SYT9: variants seen among roughly 807,000 people sequenced by gnomAD.
SYT9 encodes the protein synaptotagmin-9.
In SYT9, 22 loss-of-function variants were observed where a neutral mutation model predicts 48.4. That is an observed-to-expected ratio of 0.45 (90% CI 0.32 to 0.65). The LOEUF (loss-of-function observed/expected upper bound fraction) is 0.65, where lower values mean the gene tolerates loss of function less well. Ranked by LOEUF, SYT9 falls within the 30% of genes least tolerant of loss-of-function variation. The probability of loss-of-function intolerance (pLI) is 0.03; values close to 1 mark genes in which losing one functional copy is unlikely to be tolerated. For synonymous variants in SYT9, 265 were observed against 245.0 expected, an observed-to-expected ratio of 1.08 and a Z score of -0.76; for missense variants, 577 against 622.0, an observed-to-expected ratio of 0.93 and a Z score of 0.77.
intron 3 of SYT9, among the ~76,000 whole-genome samples, chr11:7,409,040 T>A (rs1847080788): frequency 1.3e-5 from 2 of 152,198 alleles, no homozygotes; most frequent in Non-Finnish European, 2.9e-5. Flanking sequence ...TGTGGGTTTG[T>A]CATAGATGAC....
At chr11:7,365,266 G>A (rs1490246071) in intron 3 of SYT9, among the ~76,000 whole-genome samples, 1 of 152,034 alleles carries the variant, frequency 6.6e-6, no homozygotes. Context: ...GAAAATAAAT[G>A]CTTCAGTCTA....
At chr11:7,371,481 A>G (rs1201152646) in intron 3 of SYT9, among the ~76,000 whole-genome samples, 2 of 148,432 alleles carry the variant, frequency 1.3e-5, no homozygotes, top group East Asian at 3.9e-4. Flanking sequence ...TTATTTCTTA[A>G]ATCTCTTATA....
chr11:7,358,438 CTGAT>C (rs1480934916), intron 3 of SYT9, among the ~76,000 whole-genome samples: 1 of 152,034 alleles, frequency 6.6e-6, no homozygotes, highest in Non-Finnish European at 1.5e-5. Flanking sequence ...AATCTTCCAG[CTGAT>C]TATTATTTTT....
At chr11:7,388,603 A>T (rs990974062) in intron 3 of SYT9, among the ~76,000 whole-genome samples, 2 of 152,160 alleles carry the variant, frequency 1.3e-5, no homozygotes, top group Admixed American at 1.3e-4. Flanking sequence ...GGGCTATTTT[A>T]TGCATTTAAA....
chr11:7,366,344 AT>A (rs1351117601), intron 3 of SYT9, among the ~76,000 whole-genome samples: 2 of 152,080 alleles, frequency 1.3e-5, no homozygotes, highest in African/African-American at 2.4e-5. Flanking sequence ...GTACTTGAGG[AT>A]TTTTTTCAAT....
At chr11:7,320,273 C>A (rs1396643666) in intron 3 of SYT9, among the ~76,000 whole-genome samples, 1 of 152,110 alleles carries the variant, frequency 6.6e-6, no homozygotes, top group African/African-American at 2.4e-5. Context: ...TGATCATATA[C>A]ACTGGTTTAC....
intron 2 of SYT9, among the ~76,000 whole-genome samples, chr11:7,311,635 GAAGGGTGGGAAC>G (rs1849135388): frequency 6.6e-6 from 1 of 152,210 alleles, no homozygotes; most frequent in East Asian, 1.9e-4. Context: ...ACAGTACCCA[GAAGGGTGGGAAC>G]TGATGCAGGA....
At chr11:7,293,772 C>T (rs1848735879) in intron 1 of SYT9, among the ~76,000 whole-genome samples, 1 of 152,130 alleles carries the variant, frequency 6.6e-6, no homozygotes, top group Non-Finnish European at 1.5e-5. Context: ...CAAGCTGTTT[C>T]CCAGGGACAC....
chr11:7,313,071 A>G (rs1343952952), intron 2 of SYT9, among the ~76,000 whole-genome samples: 1 of 152,204 alleles, frequency 6.6e-6, no homozygotes, highest in East Asian at 1.9e-4. Context: ...GTTTGTACAA[A>G]TCTTTACATT....
At chr11:7,372,731 G>T (rs1416953868) in intron 3 of SYT9, among the ~76,000 whole-genome samples, 2 of 151,940 alleles carry the variant, frequency 1.3e-5, no homozygotes, top group Admixed American at 6.6e-5. Context: ...TCTTCACTTG[G>T]TTATATTGGA....
chr11:7,365,445 G>A (rs879826760), intron 3 of SYT9, among the ~76,000 whole-genome samples: 6 of 152,040 alleles, frequency 3.9e-5, no homozygotes, highest in Non-Finnish European at 8.8e-5. Flanking sequence ...TTCTGATATC[G>A]TGTGCATTTT....
intron 1 of SYT9, among the ~76,000 whole-genome samples, chr11:7,289,734 A>G (rs764794428): frequency 2.6e-5 from 4 of 152,178 alleles, no homozygotes; most frequent in Non-Finnish European, 4.4e-5. Context: ...AATCTTAAGT[A>G]TTATTTTTCT....
At position 7,418,088 on chromosome 11, in the gene SYT9, G is replaced by A. The variant is rs1847285322; in HGVS notation, c.1297G>A (p.Asp433Asn). 6.2e-7 allele frequency: 1 copy of A among 1,613,920 alleles called. No homozygotes were observed. Residue 433 changes from aspartate (D) to asparagine (N), a missense_variant, in exon 5 of 7, where the codon GAC (aspartate) becomes AAC (asparagine). Coordinates refer to ENST00000318881, the MANE Select transcript of SYT9 (RefSeq NM_175733.4). ...CTTTGATGTCCCTCCCGAGAACATT[G>A]ACCAAATCCACTTGTCCATAGCAGT... ...IVFDVPPENI[D>N]QIHLSIAVMD...
intron 3 of SYT9, among the ~76,000 whole-genome samples, chr11:7,320,098 A>G (rs905815056): frequency 2.0e-5 from 3 of 152,214 alleles, no homozygotes; most frequent in African/African-American, 4.8e-5. Flanking sequence ...TTGTCTTTCA[A>G]TTGAGTAGAA....
chr11:7,340,867 G>T (rs1246744587), intron 3 of SYT9, among the ~76,000 whole-genome samples: 1 of 152,230 alleles, frequency 6.6e-6, no homozygotes, highest in Non-Finnish European at 1.5e-5. Context: ...GGAGATACAG[G>T]ATTAGGGAGC....
Position 7,468,561 on chromosome 11 carries a change from C to T in SYT9, c.*1761C>T, listed in dbSNP as rs1248751705. 2.7e-6 allele frequency: 1 copy of T among 375,834 alleles called. No individual in the cohort carries two copies. The highest frequency in any genetic ancestry group is 2.1e-5 in the African/African-American group (1 of 48,118). The allele number at this position is 375,834 out of a possible 1,614,324, so 23.3% of individuals were successfully genotyped here. A position where few individuals can be genotyped will look rare whatever the true frequency, so the allele number is the denominator to read the frequency against. ...GTGTTTAGAAGCAAAACATGAAGGG[C>T]TAGCGCCACCAGGATAGTTAGCAGA... On this transcript the variant is annotated 3_prime_UTR_variant, in exon 7 of 7. Coordinates refer to ENST00000318881, the MANE Select transcript of SYT9 (RefSeq NM_175733.4).
chr11:7,423,489 G>A (rs1264825584), intron 6 of SYT9, among the ~76,000 whole-genome samples: 1 of 152,152 alleles, frequency 6.6e-6, no homozygotes, highest in Non-Finnish European at 1.5e-5. Flanking sequence ...GAACCTCAGT[G>A]TTCTCATCTG....
chr11:7,328,813 G>T (rs1269095586), intron 3 of SYT9, among the ~76,000 whole-genome samples: 1 of 151,778 alleles, frequency 6.6e-6, no homozygotes, highest in Non-Finnish European at 1.5e-5. Context: ...TACTTGTTTG[G>T]AAATGTTACC....
chr11:7,331,736 ATT>A (rs1246502605), intron 3 of SYT9, among the ~76,000 whole-genome samples: 1 of 152,014 alleles, frequency 6.6e-6, no homozygotes, highest in Non-Finnish European at 1.5e-5. Flanking sequence ...AATAAAAGCT[ATT>A]TACATTAGGA....
Sources: allele counts gnomAD v4.1 joint callset (sites outside exome capture counted in the v4.1 genomes callset), GRCh38; gene constraint gnomAD v4.1.1; transcripts MANE v1.5; gene names NCBI Gene and HGNC (gene_info 2026-07-23, HGNC 2026-07-21).